KHDRBS2: variants seen among roughly 807,000 people sequenced by gnomAD.
KHDRBS2 encodes the protein KH RNA binding domain containing, signal transduction associated 2, also known as KH domain-containing, RNA-binding, signal transduction-associated protein 2.
Under a neutral mutation model 44.3 loss-of-function variants are expected in KHDRBS2, and 26 were observed. The ratio of observed to expected loss-of-function variants is 0.59; its 90% confidence interval spans 0.43 to 0.81. The LOEUF (loss-of-function observed/expected upper bound fraction) is 0.81, where lower values mean the gene tolerates loss of function less well. Ranked by LOEUF, KHDRBS2 falls within the 40% of genes least tolerant of loss-of-function variation. The pLI, the probability that KHDRBS2 is intolerant of heterozygous loss-of-function variation, is 0.00. For missense variants in KHDRBS2, 476 were observed against 433.1 expected (o/e 1.10, Z -0.88); for synonymous variants, 194 against 151.1 (o/e 1.28, Z -2.08).
the KHDRBS2 span, among the ~76,000 whole-genome samples, chr6:61,671,088 CTG>C: frequency 2.0e-5 from 3 of 151,536 alleles, no homozygotes; most frequent in Admixed American, 1.3e-4. Context: ...AAAAAGTAGA[CTG>C]TGAATTTAGA....
At chr6:61,551,157 T>C in the KHDRBS2 span, among the ~76,000 whole-genome samples, 3 of 152,304 alleles carry the variant, frequency 2.0e-5, no homozygotes, top group African/African-American at 7.2e-5. Context: ...GTTGGCCACA[T>C]GTATGTCTTC....
chr6:62,207,296 A>T (rs1828152006), intron 1 of KHDRBS2, among the ~76,000 whole-genome samples: 1 of 152,142 alleles, frequency 6.6e-6, no homozygotes, highest in African/African-American at 2.4e-5. Flanking sequence ...TATCAAAATT[A>T]ATGATTTTAA....
intron 2 of KHDRBS2, among the ~76,000 whole-genome samples, chr6:62,108,405 T>C (rs1419762043): frequency 6.6e-6 from 1 of 152,132 alleles, no homozygotes; most frequent in Admixed American, 6.5e-5. Flanking sequence ...AAATACCATC[T>C]CACACCAGTT....
the KHDRBS2 span, among the ~76,000 whole-genome samples, chr6:61,662,000 C>T: frequency 6.6e-6 from 1 of 151,972 alleles, no homozygotes; most frequent in African/African-American, 2.4e-5. Context: ...TCAAACTATA[C>T]TACAATGCTA....
chr6:62,039,965 A>C lies in KHDRBS2; in HGVS notation c.336+7913T>G, dbSNP rs551211874. ...TTTGTGACATTAAATCAGATATCCAAAGGCAGAAAGACTTTAAACCAGCTT... is the reference window on the plus strand; with the variant it reads ...TTTGTGACATTAAATCAGATATCCACAGGCAGAAAGACTTTAAACCAGCTT... On this transcript the variant is annotated intron_variant, in intron 3 of 8. Coordinates refer to ENST00000281156, the MANE Select transcript of KHDRBS2 (RefSeq NM_152688.4). Among the ~76,000 whole-genome samples the C allele has an allele frequency of 2.9e-4, 44 of 152,200 alleles. No individual in the cohort carries two copies. In the South Asian group the frequency reaches 9.1e-3, roughly 32 times the overall value.
intron 2 of KHDRBS2, among the ~76,000 whole-genome samples, chr6:62,092,089 A>T (rs1483054799): frequency 6.6e-6 from 1 of 151,546 alleles, no homozygotes; most frequent in Non-Finnish European, 1.5e-5. Flanking sequence ...CCAATTACAC[A>T]TTTCCTAAAG....
intron 5 of KHDRBS2, among the ~76,000 whole-genome samples, chr6:61,899,735 C>G (rs937448334): frequency 7.8e-6 from 1 of 127,404 alleles, no homozygotes; most frequent in Admixed American, 8.4e-5. Context: ...GTTTTAATGC[C>G]CCCCCCCCGC....
At chr6:62,215,201 CAA>C (rs1829777827) in intron 1 of KHDRBS2, among the ~76,000 whole-genome samples, 2 of 151,936 alleles carry the variant, frequency 1.3e-5, no homozygotes, top group Admixed American at 6.6e-5. Context: ...CTTATATACA[CAA>C]GAGAGTTTTC....
intron 1 of KHDRBS2, among the ~76,000 whole-genome samples, chr6:62,222,232 G>C (rs936753267): frequency 6.6e-6 from 1 of 151,894 alleles, no homozygotes; most frequent in Non-Finnish European, 1.5e-5. Flanking sequence ...GAGGGAGAGA[G>C]AGACAGAGAG....
chr6:61,550,169 G>A, the KHDRBS2 span, among the ~76,000 whole-genome samples: 64 of 152,154 alleles, frequency 4.2e-4, 1 homozygote, highest in South Asian at 0.011. Flanking sequence ...CATAGTACTC[G>A]ATAGGTAGTT....
intron 4 of KHDRBS2, among the ~76,000 whole-genome samples, chr6:61,959,191 A>T (rs1502938): frequency 0.055 from 8,446 of 152,268 alleles, 286 homozygotes; most frequent in Middle Eastern, 0.14. Context: ...TTATTGGATG[A>T]GATTGTTAAG....
chr6:61,675,691 A>G (rs140197250), downstream of KHDRBS2, among the ~76,000 whole-genome samples: 3,742 of 151,934 alleles, frequency 0.025, 73 homozygotes, highest in Middle Eastern at 0.082. Flanking sequence ...GTTCAGTAAT[A>G]CTTTTTGTTG....
intron 6 of KHDRBS2, among the ~76,000 whole-genome samples, chr6:61,833,229 GA>G: frequency 6.6e-6 from 1 of 152,268 alleles, no homozygotes; most frequent in East Asian, 1.9e-4. Context: ...GCATTGGTAT[GA>G]ATGATGTCTA....
At chr6:61,992,465 C>T (rs1776311244) in intron 3 of KHDRBS2, among the ~76,000 whole-genome samples, 2 of 152,084 alleles carry the variant, frequency 1.3e-5, no homozygotes, top group African/African-American at 2.4e-5. Flanking sequence ...ACAGTATCTT[C>T]CATGTAATAT....
intron 2 of KHDRBS2, among the ~76,000 whole-genome samples, chr6:62,074,542 G>A (rs1010569687): frequency 1.3e-5 from 2 of 151,720 alleles, no homozygotes; most frequent in African/African-American, 4.8e-5. Flanking sequence ...ACAATTTCTG[G>A]TCACAAATTC....
At chr6:62,030,127 T>A (rs1784078218) in intron 3 of KHDRBS2, among the ~76,000 whole-genome samples, 1 of 151,908 alleles carries the variant, frequency 6.6e-6, no homozygotes, top group Non-Finnish European at 1.5e-5. Flanking sequence ...ATGTCAGAGA[T>A]GAGAAATAGG....
chr6:62,145,568 CTTTT>C (rs938181172), intron 2 of KHDRBS2, among the ~76,000 whole-genome samples: 2 of 145,574 alleles, frequency 1.4e-5, no homozygotes, highest in African/African-American at 5.1e-5. Flanking sequence ...CTTTTTCTTT[CTTTT>C]ATTTTTAGGT....
intron 2 of KHDRBS2, among the ~76,000 whole-genome samples, chr6:62,063,157 A>C (rs1406307464): frequency 9.4e-6 from 1 of 105,896 alleles, no homozygotes; most frequent in East Asian, 3.1e-4. Context: ...AACCAAAAAG[A>C]GTCCAGGACC....
At chr6:62,051,051 G>A (rs1788911305) in intron 2 of KHDRBS2, among the ~76,000 whole-genome samples, 1 of 152,016 alleles carries the variant, frequency 6.6e-6, no homozygotes, top group Non-Finnish European at 1.5e-5. Flanking sequence ...AATTCTAGCA[G>A]CAAAAATAAT....
Sources: allele counts gnomAD v4.1 joint callset (sites outside exome capture counted in the v4.1 genomes callset), GRCh38; gene constraint gnomAD v4.1.1; transcripts MANE v1.5; gene names NCBI Gene and HGNC (gene_info 2026-07-23, HGNC 2026-07-21).